The following FSTL5 variants were observed in gnomAD, a reference collection of about 807,000 sequenced individuals.
The protein encoded by FSTL5 is follistatin like 5.
FSTL5 carries 62 observed loss-of-function variants against 89.1 expected under a neutral mutation model. The ratio of observed to expected loss-of-function variants is 0.70; its 90% confidence interval spans 0.57 to 0.86. The LOEUF (loss-of-function observed/expected upper bound fraction) is 0.86, where lower values mean the gene tolerates loss of function less well. Among genes scored for constraint, FSTL5 ranks in the 40% least tolerant of loss-of-function variants. The pLI is 0.00. For synonymous variants in FSTL5, 383 were observed against 346.2 expected (o/e 1.11, Z -1.18); for missense variants, 1,057 against 1,001.6 (o/e 1.06, Z -0.75).
chr4:161,900,171 CGTGACAG>C (rs1733306120), intron 4 of FSTL5, among the ~76,000 whole-genome samples: 1 of 150,932 alleles, frequency 6.6e-6, no homozygotes, highest in South Asian at 2.1e-4. Context: ...CTCCAGCCTG[CGTGACAG>C]AGCGAGGCTC....
intron 15 of FSTL5, among the ~76,000 whole-genome samples, chr4:161,414,191 C>T (rs141869242): frequency 1.6e-3 from 236 of 152,064 alleles, no homozygotes; most frequent in African/African-American, 5.3e-3. Context: ...AAAAGTAATT[C>T]ATAGTGAAAA....
At chr4:161,451,108 AT>A (rs1733148388) in intron 15 of FSTL5, among the ~76,000 whole-genome samples, 1 of 152,124 alleles carries the variant, frequency 6.6e-6, no homozygotes, top group Non-Finnish European at 1.5e-5. Flanking sequence ...ATTTATAAAA[AT>A]AAAAATCTAA....
At chr4:161,840,001 A>G (rs542647115) in intron 4 of FSTL5, among the ~76,000 whole-genome samples, 1 of 152,314 alleles carries the variant, frequency 6.6e-6, no homozygotes, top group South Asian at 2.1e-4. Context: ...AATGTTTTAG[A>G]GTTCAAAATA....
In FSTL5 at chr4:161,900,701, C is replaced by T. The variant is rs1397722502; in HGVS notation, c.409+19703G>A. On this transcript the variant is annotated intron_variant, in intron 4 of 15. Coordinates refer to ENST00000306100, the MANE Select transcript of FSTL5 (RefSeq NM_020116.5). ...AAAAGAAAAAAAAAAGAATGGCAGA[C>T]CTAAAGTCATTGCCAAGGTTGCCAA... is the stretch of plus-strand genomic sequence containing the variant. Among the ~76,000 whole-genome samples, 4 of 145,606 alleles carry T rather than the reference C, an allele frequency of 2.7e-5. No individual in the cohort carries two copies. In the Admixed American group the frequency reaches 2.8e-4, roughly 10 times the overall value.
intron 4 of FSTL5, among the ~76,000 whole-genome samples, chr4:161,889,946 A>T (rs777964377): frequency 1.4e-4 from 21 of 152,208 alleles, no homozygotes; most frequent in Non-Finnish European, 2.1e-4. Flanking sequence ...TAATGTTATA[A>T]TATTTTGTAA....
At chr4:161,509,122 GC>G (rs988162485) in intron 11 of FSTL5, among the ~76,000 whole-genome samples, 3 of 152,040 alleles carry the variant, frequency 2.0e-5, no homozygotes, top group Non-Finnish European at 2.9e-5. Flanking sequence ...GGCCAACATG[GC>G]AAAACCCCGT....
chr4:161,397,201 A>G (rs1731034763), intron 15 of FSTL5, among the ~76,000 whole-genome samples: 1 of 152,270 alleles, frequency 6.6e-6, no homozygotes, highest in Non-Finnish European at 1.5e-5. Context: ...TTTCCTAAAT[A>G]TAATATAAAT....
chr4:161,409,314 G>A (rs1013753438), intron 15 of FSTL5, among the ~76,000 whole-genome samples: 6 of 152,052 alleles, frequency 3.9e-5, no homozygotes, highest in African/African-American at 1.4e-4. Flanking sequence ...GCCAAACTAA[G>A]CATCTTAAAT....
At chr4:161,636,436 T>C (rs1268237549) in intron 7 of FSTL5, among the ~76,000 whole-genome samples, 1 of 149,990 alleles carries the variant, frequency 6.7e-6, no homozygotes, top group Non-Finnish European at 1.5e-5. Flanking sequence ...CTTTTTGAAT[T>C]CTGGCAGTTG....
At chr4:162,096,170 T>A (rs1289566883) in intron 2 of FSTL5, among the ~76,000 whole-genome samples, 5 of 151,960 alleles carry the variant, frequency 3.3e-5, no homozygotes, top group Non-Finnish European at 4.4e-5. Flanking sequence ...CTGAAAAAAA[T>A]TTTTGAATCA....
At chr4:161,774,876 G>A (rs1303379364) in intron 5 of FSTL5, among the ~76,000 whole-genome samples, 1 of 151,978 alleles carries the variant, frequency 6.6e-6, no homozygotes, top group African/African-American at 2.4e-5. Context: ...ATTTTACTCT[G>A]AATTCCTTAA....
At chr4:162,043,238 T>A (rs1738039891) in intron 2 of FSTL5, 1 of 152,140 alleles carries the variant, frequency 6.6e-6, no homozygotes, top group Non-Finnish European at 1.5e-5. Flanking sequence ...GATCTAAAAT[T>A]AATATACAAC....
Position 161,779,123 on chromosome 4 carries a change from T to C in FSTL5, c.410-3049A>G, listed in dbSNP as rs117692467. 1.8e-4 allele frequency among the ~76,000 whole-genome samples: 28 copies of C among 152,308 alleles called. 1 individual carries two copies. The East Asian group carries it at 5.4e-3, about 29-fold the overall frequency. ...CAGTATTTAAAACTGGGGAGAGGGATAGAGTTTGGGTTGCCCCACTCAAAT... is the reference window on the plus strand; with the variant it reads ...CAGTATTTAAAACTGGGGAGAGGGACAGAGTTTGGGTTGCCCCACTCAAAT... On this transcript the variant is annotated intron_variant, in intron 4 of 15. Coordinates refer to ENST00000306100, the MANE Select transcript of FSTL5 (RefSeq NM_020116.5).
intron 13 of FSTL5, among the ~76,000 whole-genome samples, chr4:161,475,089 C>G (rs1319587697): frequency 6.6e-6 from 1 of 150,838 alleles, no homozygotes; most frequent in African/African-American, 2.4e-5. Flanking sequence ...TTCTGGCCTC[C>G]ATAGTTTCTA....
In FSTL5 at chr4:161,453,632, G is replaced by A. The variant is rs116128126; in HGVS notation, c.1841+1372C>T. ...TTATTTTTTGACAGGGTCTGGCTCT[G>A]TTGCCGAGGCTGGAGCACAAGGTGT... is the stretch of plus-strand genomic sequence containing the variant. On this transcript the variant is annotated intron_variant, in intron 15 of 15. Transcript: ENST00000306100. Among the ~76,000 whole-genome samples, 553 of 152,192 alleles carry A rather than the reference G, an allele frequency of 3.6e-3. 3 individuals carry two copies. Among genetic ancestry groups the A allele is most frequent in the African/African-American group, 0.012 (503 of 41,512 alleles).
At chr4:161,866,768 A>G (rs1219550811) in intron 4 of FSTL5, among the ~76,000 whole-genome samples, 1 of 151,974 alleles carries the variant, frequency 6.6e-6, no homozygotes, top group East Asian at 1.9e-4. Flanking sequence ...AAATGTTTTT[A>G]CTGTAGCTTT....
At chr4:161,937,572 A>C (rs1734466134) in intron 3 of FSTL5, among the ~76,000 whole-genome samples, 1 of 152,188 alleles carries the variant, frequency 6.6e-6, no homozygotes. Context: ...TTAGGCATTA[A>C]ATTTGATTCT....
At chr4:161,872,016 G>T (rs1732278469) in intron 4 of FSTL5, among the ~76,000 whole-genome samples, 1 of 150,840 alleles carries the variant, frequency 6.6e-6, no homozygotes, top group African/African-American at 2.4e-5. Context: ...TTTTTAGACA[G>T]GGTCTTGCTC....
intron 3 of FSTL5, among the ~76,000 whole-genome samples, chr4:162,004,095 G>T (rs1357193420): frequency 2.6e-5 from 4 of 151,986 alleles, no homozygotes; most frequent in Non-Finnish European, 5.9e-5. Flanking sequence ...TTTCTTTATA[G>T]AAATGAATAT....
Sources: allele counts gnomAD v4.1 joint callset (sites outside exome capture counted in the v4.1 genomes callset), GRCh38; gene constraint gnomAD v4.1.1; transcripts MANE v1.5; gene names NCBI Gene and HGNC (gene_info 2026-07-23, HGNC 2026-07-21).